RAB22A: variants seen among roughly 807,000 people sequenced by gnomAD.
The protein encoded by RAB22A is RAB22A, member RAS oncogene family, also known as ras-related protein Rab-22A.
Under a neutral mutation model 30.2 loss-of-function variants are expected in RAB22A, and 13 were observed. The observed-to-expected ratio is 0.43, with a 90% CI of 0.28 to 0.68. RAB22A has a LOEUF of 0.68. Ranked by LOEUF, RAB22A falls within the 30% of genes least tolerant of loss-of-function variation. The pLI, the probability that RAB22A is intolerant of heterozygous loss-of-function variation, is 0.18. For missense variants in RAB22A, 177 were observed against 246.8 expected (o/e 0.72, Z 1.89); for synonymous variants, 89 against 87.2 (o/e 1.02, Z -0.11).
At chr20:58,354,303 AG>A in intron 6 of RAB22A, 38 bp downstream of exon 6, 1 of 1,422,768 alleles carries the variant, frequency 7.0e-7, no homozygotes, top group African/African-American at 1.4e-5. Flanking sequence ...CCTCTGTAAA[AG>A]CCGCTTAACA....
At chr20:58,357,331 T>C (rs190979135) in intron 6 of RAB22A, among the ~76,000 whole-genome samples, 1 of 152,364 alleles carries the variant, frequency 6.6e-6, no homozygotes, top group Admixed American at 6.5e-5. Context: ...TCCTTCTTAA[T>C]GTTTTATAGT....
Position 58,311,100 on chromosome 20 carries a change from C to G in RAB22A, c.94C>G (p.Pro32Ala), listed in dbSNP as rs1016771532. 6.3e-7 allele frequency: 1 copy of G among 1,599,432 alleles called. No individual in the cohort carries two copies. Among genetic ancestry groups the G allele is most frequent in the South Asian group, 1.1e-5 (1 of 90,774 alleles). The change falls in exon 2 of 7, where the codon CCA (proline) becomes GCA (alanine). Residue 32 changes from proline to alanine, a missense_variant. Coordinates refer to ENST00000244040, the MANE Select transcript of RAB22A (RefSeq NM_020673.3). ...GCGGTTTGTGGAAGACAGTTTTGAT[C>G]CAAACATCAACCCAACAATAGGGTA... ...VWRFVEDSFDPNINPTIGASF... is the reference protein window; with the variant it reads ...VWRFVEDSFDANINPTIGASF...
chr20:58,350,936 T>G (rs1249464214), intron 3 of RAB22A, among the ~76,000 whole-genome samples: 2 of 152,222 alleles, frequency 1.3e-5, no homozygotes, highest in Non-Finnish European at 2.9e-5. Flanking sequence ...AGATTTAGAT[T>G]ATTTGACAGT....
intron 3 of RAB22A, among the ~76,000 whole-genome samples, chr20:58,344,298 A>G (rs1482085803): frequency 1.3e-5 from 2 of 152,248 alleles, no homozygotes; most frequent in African/African-American, 4.8e-5. Context: ...ATTGGCCACA[A>G]TGGTTATCTG....
chr20:58,349,860 A>C (rs955129552), intron 3 of RAB22A, among the ~76,000 whole-genome samples: 1 of 152,208 alleles, frequency 6.6e-6, no homozygotes. Flanking sequence ...CATATGAAGA[A>C]ACAGGAAGGT....
intron 3 of RAB22A, among the ~76,000 whole-genome samples, chr20:58,351,467 T>C (rs1351477314): frequency 1.3e-5 from 2 of 151,512 alleles, no homozygotes; most frequent in East Asian, 3.9e-4. Context: ...TAAGAAAAAT[T>C]CAAGCAATGC....
At chr20:58,324,306 T>G (rs1600726749) in intron 2 of RAB22A, among the ~76,000 whole-genome samples, 1 of 37,402 alleles carries the variant, frequency 2.7e-5, no homozygotes, top group African/African-American at 2.7e-4. Flanking sequence ...TACATTGGGG[T>G]TTTTTTTTTT....
chr20:58,348,078 T>G (rs1481396238), intron 3 of RAB22A, among the ~76,000 whole-genome samples: 1 of 152,066 alleles, frequency 6.6e-6, no homozygotes, highest in African/African-American at 2.4e-5. Context: ...AATACAAAAA[T>G]TAGCCAGGCA....
intron 2 of RAB22A, among the ~76,000 whole-genome samples, chr20:58,320,777 C>T (rs1359608913): frequency 1.3e-5 from 2 of 152,178 alleles, no homozygotes; most frequent in Non-Finnish European, 2.9e-5. Flanking sequence ...ATTGCGGGTA[C>T]AGGTGCGGTG....
intron 2 of RAB22A, among the ~76,000 whole-genome samples, chr20:58,329,873 C>A (rs542739942): frequency 1.5e-3 from 236 of 152,272 alleles, no homozygotes; most frequent in African/African-American, 5.3e-3. Flanking sequence ...TACAGTGTCT[C>A]CAAATCTGTT....
chr20:58,360,670 C>A lies in RAB22A; in HGVS notation c.*967C>A, dbSNP rs936953139. ...TAAATTCTAAGTTTCATTTGACATT[C>A]CATTGAATCTCGCACCCAGTCTTGC... On this transcript the variant is annotated 3_prime_UTR_variant, in exon 7 of 7. Coordinates refer to ENST00000244040, the MANE Select transcript of RAB22A (RefSeq NM_020673.3). 1 of 152,594 alleles carries A rather than the reference C, an allele frequency of 6.6e-6. No individual in the cohort carries two copies. The highest frequency in any genetic ancestry group is 1.5e-5 in the Non-Finnish European group (1 of 68,046). 9.5% of individuals were successfully genotyped at this position (152,594 alleles called of 1,614,324 possible).
At chr20:58,313,292 A>G (rs1024838571) in intron 2 of RAB22A, among the ~76,000 whole-genome samples, 4 of 152,178 alleles carry the variant, frequency 2.6e-5, no homozygotes, top group Non-Finnish European at 4.4e-5. Context: ...GGAAAATAGC[A>G]TACAAGGCTT....
At chr20:58,341,931 A>G (rs1406966358) in intron 2 of RAB22A, among the ~76,000 whole-genome samples, 1 of 152,188 alleles carries the variant, frequency 6.6e-6, no homozygotes, top group Non-Finnish European at 1.5e-5. Context: ...TCATAAATGT[A>G]ACACCACAAC....
At chr20:58,335,472 G>C (rs1325646730) in intron 2 of RAB22A, among the ~76,000 whole-genome samples, 4 of 152,116 alleles carry the variant, frequency 2.6e-5, no homozygotes, top group Admixed American at 2.6e-4. Flanking sequence ...ACTTAGGTTG[G>C]ATGATCTCCT....
chr20:58,351,955 A>G (rs1234177105), intron 3 of RAB22A, among the ~76,000 whole-genome samples: 3 of 152,242 alleles, frequency 2.0e-5, no homozygotes. Flanking sequence ...TACTATAAAT[A>G]TAAAAACAAA....
chr20:58,315,414 G>A (rs1402661206), intron 2 of RAB22A, among the ~76,000 whole-genome samples: 1 of 152,116 alleles, frequency 6.6e-6, no homozygotes. Context: ...CGGTATCTGT[G>A]TTCTTCCCTA....
intron 2 of RAB22A, among the ~76,000 whole-genome samples, chr20:58,321,189 CA>C (rs776776631): frequency 0.052 from 6,095 of 116,950 alleles, 359 homozygotes; most frequent in African/African-American, 0.16. Context: ...GACTCCATCT[CA>C]AAAAAAAAAA....
chr20:58,347,643 A>G (rs1472105076), intron 3 of RAB22A, among the ~76,000 whole-genome samples: 1 of 152,226 alleles, frequency 6.6e-6, no homozygotes, highest in Non-Finnish European at 1.5e-5. Context: ...TGGCTGCAAT[A>G]ATAAACCTAA....
rs1473044271 is a variant in RAB22A, at chr20:58,329,033, G to T, written c.117-14685G>T. ...TCGCCTCGGTATTTGTTTACCTAGG[G>T]TAATGTCTGCATTGCATATTCCCTT... is the stretch of plus-strand genomic sequence containing the variant. On this transcript the variant is annotated intron_variant, in intron 2 of 6. Transcript: ENST00000244040. Among the ~76,000 whole-genome samples, 4 of 150,260 alleles carry T rather than the reference G, an allele frequency of 2.7e-5. No individual in the cohort carries two copies. In the East Asian group the frequency reaches 5.9e-4, roughly 22 times the overall value.
Sources: gnomAD v4.1 joint callset for allele counts (sites outside exome capture counted in the v4.1 genomes callset) on GRCh38, gnomAD v4.1.1 for gene constraint, MANE v1.5 for transcripts, NCBI Gene and HGNC (gene_info 2026-07-23, HGNC 2026-07-21) for gene names.